The following PKNOX2 variants were observed in gnomAD, a reference collection of about 807,000 sequenced individuals.
The protein encoded by PKNOX2 is homeobox protein PKNOX2.
Under a neutral mutation model 53.1 loss-of-function variants are expected in PKNOX2, and 14 were observed. The ratio of observed to expected loss-of-function variants is 0.26; its 90% CI spans 0.17 to 0.41. The LOEUF is 0.41. Ranked by LOEUF, PKNOX2 falls within the 10% of genes least tolerant of loss-of-function variation. The pLI, the probability that PKNOX2 is intolerant of heterozygous loss-of-function variation, is 1.00. For missense variants in PKNOX2, 496 were observed against 602.8 expected, an observed-to-expected ratio of 0.82 and a Z score of 1.85; for synonymous variants, 257 against 242.8, an observed-to-expected ratio of 1.06 and a Z score of -0.54.
intron 5 of PKNOX2, among the ~76,000 whole-genome samples, chr11:125,381,961 AG>A (rs1953261520): frequency 6.6e-6 from 1 of 152,156 alleles, no homozygotes; most frequent in Admixed American, 6.5e-5. Flanking sequence ...TGCAGAAGCA[AG>A]GACAGAAGCA....
At chr11:125,241,216 G>A (rs1378139290) in intron 2 of PKNOX2, among the ~76,000 whole-genome samples, 1 of 152,128 alleles carries the variant, frequency 6.6e-6, no homozygotes. Context: ...CAGATACACA[G>A]GCACACTCCT....
chr11:125,363,691 G>A (rs1392539292), intron 4 of PKNOX2, among the ~76,000 whole-genome samples: 1 of 152,202 alleles, frequency 6.6e-6, no homozygotes, highest in Non-Finnish European at 1.5e-5. Context: ...ATCTGGAGTG[G>A]CCAGTTCTGA....
intron 2 of PKNOX2, among the ~76,000 whole-genome samples, chr11:125,287,329 A>G (rs951381366): frequency 6.6e-6 from 1 of 152,190 alleles, no homozygotes; most frequent in Non-Finnish European, 1.5e-5. Flanking sequence ...CCCTTTGGGG[A>G]GGATTCAGGT....
chr11:125,394,334 C>T (rs1954257365), intron 6 of PKNOX2, among the ~76,000 whole-genome samples: 1 of 152,220 alleles, frequency 6.6e-6, no homozygotes, highest in Non-Finnish European at 1.5e-5. Flanking sequence ...CTTAGGATGG[C>T]TCAGTCTCCC....
chr11:125,361,385 G>C (rs543538613), intron 4 of PKNOX2, among the ~76,000 whole-genome samples: 1 of 152,238 alleles, frequency 6.6e-6, no homozygotes, highest in Non-Finnish European at 1.5e-5. Context: ...GCGGTGGGAG[G>C]TAGGAAGCAC....
chr11:125,371,711 G>C (rs1407819624), intron 5 of PKNOX2, among the ~76,000 whole-genome samples: 1 of 152,134 alleles, frequency 6.6e-6, no homozygotes, highest in Non-Finnish European at 1.5e-5. Flanking sequence ...CTTCCCTAAG[G>C]CTGAAAGATT....
chr11:125,188,936 C>T (rs1435566308), intron 1 of PKNOX2, among the ~76,000 whole-genome samples: 1 of 151,810 alleles, frequency 6.6e-6, no homozygotes, highest in Non-Finnish European at 1.5e-5. Flanking sequence ...GCAGAAAAGT[C>T]CTGAGGTTTT....
intron 3 of PKNOX2, among the ~76,000 whole-genome samples, chr11:125,346,575 C>G (rs1422017435): frequency 6.6e-6 from 1 of 152,172 alleles, no homozygotes; most frequent in African/African-American, 2.4e-5. Context: ...TTCCCTCATC[C>G]AATCCCAAAG....
intron 2 of PKNOX2, among the ~76,000 whole-genome samples, chr11:125,262,601 C>T (rs898591696): frequency 6.6e-6 from 1 of 151,966 alleles, no homozygotes; most frequent in African/African-American, 2.4e-5. Context: ...CCCCAAGCAG[C>T]CCTCCCACCC....
Position 125,279,507 on chromosome 11 carries a change from C to G in PKNOX2, c.-130+44392C>G, listed in dbSNP as rs565630235. On this transcript the variant is annotated intron_variant, in intron 2 of 12. Transcript: ENST00000298282. ...GAGAGCTTTACCCCGGCTGTGAACT[C>G]CCAGTCTGAAGCTGTGGCTGGTATG... Among the ~76,000 whole-genome samples, 7 of 152,338 alleles carry G rather than the reference C, an allele frequency of 4.6e-5. No homozygotes were observed. In the East Asian group the frequency reaches 1.3e-3, roughly 29 times the overall value.
chr11:125,212,785 C>G (rs112864497), intron 1 of PKNOX2, among the ~76,000 whole-genome samples: 70 of 152,102 alleles, frequency 4.6e-4, no homozygotes, highest in African/African-American at 1.6e-3. Flanking sequence ...GGACCAATGG[C>G]CTTCCCTAGT....
At chr11:125,238,359 A>G (rs1027004053) in intron 2 of PKNOX2, among the ~76,000 whole-genome samples, 2 of 152,200 alleles carry the variant, frequency 1.3e-5, no homozygotes, top group African/African-American at 4.8e-5. Flanking sequence ...CACTTACTAC[A>G]TGCTAGGCAT....
intron 2 of PKNOX2, among the ~76,000 whole-genome samples, chr11:125,239,001 C>A (rs941748936): frequency 6.6e-6 from 1 of 152,166 alleles, no homozygotes; most frequent in Non-Finnish European, 1.5e-5. Flanking sequence ...GGACTCACTG[C>A]GATCCAGCAT....
intron 3 of PKNOX2, among the ~76,000 whole-genome samples, chr11:125,343,551 T>A (rs1472823532): frequency 6.6e-6 from 1 of 152,132 alleles, no homozygotes; most frequent in Non-Finnish European, 1.5e-5. Context: ...TGGGATTGAT[T>A]CTCAGATCAA....
intron 7 of PKNOX2, among the ~76,000 whole-genome samples, chr11:125,399,932 A>G (rs1954634557): frequency 6.6e-6 from 1 of 152,216 alleles, no homozygotes; most frequent in African/African-American, 2.4e-5. Context: ...AGAAAAGGAT[A>G]ACGCGGACTC....
At chr11:125,312,706 A>G (rs1948890762) in intron 2 of PKNOX2, among the ~76,000 whole-genome samples, 1 of 152,148 alleles carries the variant, frequency 6.6e-6, no homozygotes, top group South Asian at 2.1e-4. Context: ...CATGGAATGG[A>G]GGAGACGCAC....
At chr11:125,334,664 TCTCAG>T (rs939944404) in intron 3 of PKNOX2, among the ~76,000 whole-genome samples, 18 of 151,852 alleles carry the variant, frequency 1.2e-4, no homozygotes, top group Non-Finnish European at 2.6e-4. Flanking sequence ...AGTGGCACAG[TCTCAG>T]CTCACTGCAA....
chr11:125,415,850 C>T (rs1467517902), intron 10 of PKNOX2, among the ~76,000 whole-genome samples: 1 of 152,164 alleles, frequency 6.6e-6, no homozygotes, highest in Non-Finnish European at 1.5e-5. Flanking sequence ...AAAGAAACAA[C>T]CATTCAAAAG....
intron 4 of PKNOX2, among the ~76,000 whole-genome samples, chr11:125,361,153 A>G (rs982577888): frequency 1.3e-5 from 2 of 152,244 alleles, no homozygotes; most frequent in Non-Finnish European, 2.9e-5. Context: ...GATTCAACAG[A>G]TAGTTCAGAT....
Sources: allele counts gnomAD v4.1 joint callset (sites outside exome capture counted in the v4.1 genomes callset), GRCh38; gene constraint gnomAD v4.1.1; transcripts MANE v1.5; gene names NCBI Gene and HGNC (gene_info 2026-07-23, HGNC 2026-07-21).